ADAMTS13: variants seen among roughly 807,000 people sequenced by gnomAD.
The protein encoded by ADAMTS13 is ADAM metallopeptidase with thrombospondin type 1 motif 13, also known as A disintegrin and metalloproteinase with thrombospondin motifs 13.
In ADAMTS13, 110 loss-of-function variants were observed where a neutral mutation model predicts 155.1. That is an observed-to-expected ratio of 0.71 (90% CI 0.61 to 0.83). The LOEUF is 0.83. Among genes scored for constraint, ADAMTS13 ranks in the 40% least tolerant of loss-of-function variants. The pLI is 0.00. For synonymous variants in ADAMTS13, 758 were observed against 756.4 expected (o/e 1.00, Z -0.03); for missense variants, 1,707 against 1,891.7 (o/e 0.90, Z 1.81).
chr9:133,415,530 A>G (rs1159381981), intron 1 of ADAMTS13: 1 of 154,786 alleles, frequency 6.5e-6, no homozygotes, highest in Non-Finnish European at 1.4e-5. Context: ...AAGAACTGCT[A>G]GCAGCCACAC....
chr9:133,417,742 T>C (rs374838582), upstream of ADAMTS13: 2 of 1,613,878 alleles, frequency 1.2e-6, no homozygotes, highest in African/African-American at 1.3e-5. Context: ...CAAAACCTTT[T>C]TTTCTTCTTG....
intron 17 of ADAMTS13, 31 bp from the exon 18 acceptor site, chr9:133,442,583 A>T (rs368268138): frequency 1.3e-5 from 21 of 1,613,298 alleles, no homozygotes; most frequent in Non-Finnish European, 1.5e-5. Flanking sequence ...CCCTGCAGGG[A>T]GGCGGCCTAG....
Position 133,439,388 on chromosome 9 carries a change from T to C in ADAMTS13, c.1728T>C (p.Val576=), listed in dbSNP as rs1841492590. The C allele has an allele frequency of 1.2e-6, 2 of 1,613,986 alleles. No homozygotes were observed. The highest frequency in any genetic ancestry group is 4.5e-5 in the East Asian group (2 of 44,892). The change falls in exon 15 of 29, where the codon GTT becomes GTC. Residue 576 remains valine, a synonymous_variant. Transcript: ENST00000355699. ...RAREYVTFLT[V]TPNLTSVYIA... ...TAGAATATGTCACGTTTCTGACAGTTACCCCCAACCTGACCAGTGTCTACA... is the reference window on the plus strand; with the variant it reads ...TAGAATATGTCACGTTTCTGACAGTCACCCCCAACCTGACCAGTGTCTACA...
In ADAMTS13 at chr9:133,424,214, T is replaced by C. The variant is rs1292133779; in HGVS notation, c.173-107T>C. The C allele has an allele frequency of 1.3e-6, 2 of 1,560,484 alleles. No individual in the cohort carries two copies. Among genetic ancestry groups the C allele is most frequent in the East Asian group, 4.5e-5 (2 of 44,614 alleles). On this transcript the variant is annotated intron_variant, in intron 2 of 28. Coordinates refer to ENST00000355699, the MANE Select transcript of ADAMTS13 (RefSeq NM_139027.6). This position sits in a 1 kb window ranked among gnomAD's most constrained non-coding sequence, Gnocchi z 4.3. ...GGGGTGGGGGTGACACGCAATGTCT[T>C]GACTTCGGAAGGCCATCCTTCCAAG...
upstream of ADAMTS13, chr9:133,417,989 A>C: frequency 1.4e-6 from 1 of 725,838 alleles, no homozygotes; most frequent in South Asian, 1.9e-5. Context: ...ACTCCGGAAG[A>C]GACCCCGCAC....
At chr9:133,457,839 G>A in intron 27 of ADAMTS13, 71 bp from the exon 28 acceptor site, 2 of 1,593,840 alleles carry the variant, frequency 1.3e-6, no homozygotes, top group Non-Finnish European at 8.6e-7. Flanking sequence ...CGGCTCCCTG[G>A]CTGTGAGTTG....
At chr9:133,448,119 A>G (rs587772109) in intron 21 of ADAMTS13, among the ~76,000 whole-genome samples, 1 of 151,522 alleles carries the variant, frequency 6.6e-6, no homozygotes, top group South Asian at 2.1e-4. Flanking sequence ...CCTCCTGAGT[A>G]GCTGGGATTA....
rs1554796106 is a variant in ADAMTS13 at position 133,456,599 on chromosome 9, T to C, written c.3604T>C (p.Leu1202=). Residue 1202 remains leucine, a synonymous_variant, in exon 27 of 29, where the codon TTG becomes CTG. Transcript: ENST00000355699. This position sits in a 1 kb window ranked among gnomAD's most constrained non-coding sequence, Gnocchi z 4.4. ...CTGGAGGAAGATGTGCAGGAAGCTGTTGGACATGACTTTCAGCTCCAAGAC... is the reference window on the plus strand; with the variant it reads ...CTGGAGGAAGATGTGCAGGAAGCTGCTGGACATGACTTTCAGCTCCAAGAC... The part of the protein sequence containing the change: ...LTWRKMCRKL[L]DMTFSSKTNT... 4 of 1,613,370 alleles carry C rather than the reference T, an allele frequency of 2.5e-6. No homozygotes were observed. Among genetic ancestry groups the C allele is most frequent in the Non-Finnish European group, 3.4e-6 (4 of 1,179,880 alleles).
Position 133,456,680 on chromosome 9 carries a change from C to CCAT in ADAMTS13, c.3685_3686insCAT (p.Arg1229delinsProTrp). ...GCGGCCAGGAGGTGGGGTGCTGCTG[C>CCAT]GGTATGGGAGCCAGCTTGCTCCTGA... is the stretch of plus-strand genomic sequence containing the variant. On this transcript the variant is annotated protein_altering_variant, in exon 27 of 29. Coordinates refer to ENST00000355699, the MANE Select transcript of ADAMTS13 (RefSeq NM_139027.6). The surrounding 1 kb of genome is among the most constrained non-coding windows in gnomAD (Gnocchi z 4.4). The CCAT allele has an allele frequency of 6.3e-7, 1 of 1,588,956 alleles. No individual in the cohort carries two copies. The highest frequency in any genetic ancestry group is 8.6e-7 in the Non-Finnish European group (1 of 1,167,314).
In ADAMTS13 at chr9:133,449,615, G is replaced by T. The variant is rs587699261; in HGVS notation, c.2862-168G>T. ...TTTGTCCAAATGTTCTGTCCACTCTGCCAAGCCTCTTGGTGAGGACACAAG... is the reference window on the plus strand; with the variant it reads ...TTTGTCCAAATGTTCTGTCCACTCTTCCAAGCCTCTTGGTGAGGACACAAG... On this transcript the variant is annotated intron_variant, in intron 22 of 28. Transcript: ENST00000355699. Among the ~76,000 whole-genome samples, 70 of 152,300 alleles carry T rather than the reference G, an allele frequency of 4.6e-4. 1 individual carries two copies. Among genetic ancestry groups the T allele is most frequent in the African/African-American group, 1.7e-3 (70 of 41,560 alleles).
chr9:133,441,369 C>G lies in ADAMTS13; in HGVS notation c.1968+844C>G, dbSNP rs1165622176. Among the ~76,000 whole-genome samples, 2 of 152,194 alleles carry G rather than the reference C, an allele frequency of 1.3e-5. No homozygotes were observed. The highest frequency in any genetic ancestry group is 4.8e-5 in the African/African-American group (2 of 41,446). ...TGGTTCCCTTCCTCCCCTCCCCTTG[C>G]CTGGGACATTGTATCCAGATGCTAG... On this transcript the variant is annotated intron_variant, in intron 16 of 28. Transcript: ENST00000355699. This position sits in a 1 kb window ranked among gnomAD's most constrained non-coding sequence, Gnocchi z 5.0.
At chr9:133,418,164 C>T (rs1839792490), upstream of ADAMTS13, 1 of 398,682 alleles carries the variant, frequency 2.5e-6, no homozygotes, top group Non-Finnish European at 4.5e-6. Context: ...GGTCATCGAC[C>T]TCGAGTTTGA....
rs782519773 is a variant in ADAMTS13 at position 133,425,952 on chromosome 9, C to T, written c.429C>T (p.Ile143=). ...TGGGTCCGCAGGGTGCTCCAAATAT[C>T]ACAGCCAACCTCACCTCGTCCCTGC... ...ILTEPEGAPN[I]TANLTSSLLS... is the part of the protein sequence containing the mutation. The change falls in exon 5 of 29, where the codon ATC becomes ATT. Residue 143 remains isoleucine (I), a synonymous_variant. Transcript: ENST00000355699. This position sits in a 1 kb window ranked among gnomAD's most constrained non-coding sequence, Gnocchi z 4.6. 6.2e-7 allele frequency: 1 copy of T among 1,613,710 alleles called. No homozygotes were observed. Among genetic ancestry groups the T allele is most frequent in the Admixed American group, 1.7e-5 (1 of 60,026 alleles).
In ADAMTS13 at chr9:133,424,239, G is replaced by T; in HGVS notation, c.173-82G>T. The T allele has an allele frequency of 6.3e-7, 1 of 1,595,572 alleles. No homozygotes were observed. On this transcript the variant is annotated intron_variant, in intron 2 of 28. Transcript: ENST00000355699. The surrounding 1 kb of genome is among the most constrained non-coding windows in gnomAD (Gnocchi z 4.3). ...TGACTTCGGAAGGCCATCCTTCCAA[G>T]ACCTGCCAGCCCCTTTCCTGTTAGC...
rs781832524 is a variant in ADAMTS13, at chr9:133,456,510, GTGC to G, written c.3548-30_3548-28del. The G allele has an allele frequency of 2.2e-5, 36 of 1,609,298 alleles. No individual in the cohort carries two copies. The highest frequency in any genetic ancestry group is 3.4e-5 in the Admixed American group (2 of 59,578). ...ACTCCTCTGCTGACCAGGCGTGGGA[GTGC>G]TGGACCCTCACTGCCCTGCCGCTTC... On this transcript the variant is annotated intron_variant, in intron 26 of 28. Coordinates refer to ENST00000355699, the MANE Select transcript of ADAMTS13 (RefSeq NM_139027.6). The surrounding 1 kb of genome is among the most constrained non-coding windows in gnomAD (Gnocchi z 4.4).
rs1554785106 is a variant in ADAMTS13, at chr9:133,425,907, C to G, written c.415-31C>G. On this transcript the variant is annotated intron_variant, in intron 4 of 28. Coordinates refer to ENST00000355699, the MANE Select transcript of ADAMTS13 (RefSeq NM_139027.6). The surrounding 1 kb of genome is among the most constrained non-coding windows in gnomAD (Gnocchi z 4.6). The stretch of plus-strand genomic sequence containing the variant: ...TCAGCACCGTGCCTGGTTGGGGTGT[C>G]CTAAATGCAGGCTTTGCTGTGGGTC... 1 of 1,612,584 alleles carries G rather than the reference C, an allele frequency of 6.2e-7. No individual in the cohort carries two copies. The highest frequency in any genetic ancestry group is 1.1e-5 in the South Asian group (1 of 91,048).
rs150136500 is a variant in ADAMTS13 at position 133,446,968 on chromosome 9, G to A, written c.2731+1149G>A. On this transcript the variant is annotated intron_variant, in intron 21 of 28. Transcript: ENST00000355699. Reference sequence around the variant, plus strand: ...CGCCTCCGGGGCTCAAGTGATTCTCGTGCTTCAGCCTCCCGAGTAGCTAGG... The same window carrying A: ...CGCCTCCGGGGCTCAAGTGATTCTCATGCTTCAGCCTCCCGAGTAGCTAGG... Among the ~76,000 whole-genome samples, 302 of 152,132 alleles carry A rather than the reference G, an allele frequency of 2.0e-3. 2 individuals are homozygous for A. The highest frequency in any genetic ancestry group is 6.8e-3 in the Middle Eastern group (2 of 294).
Position 133,442,490 on chromosome 9 carries a change from T to A in ADAMTS13, c.2060T>A (p.Val687Glu), listed in dbSNP as rs1588182260. The change falls in exon 17 of 29, where the codon GTG becomes GAG. Residue 687 changes from valine to glutamate, a missense_variant. This residue lies in a region of ADAMTS13 where 961 missense variants were observed against 1,107.9 expected (regional missense o/e 0.87). Coordinates refer to ENST00000355699, the MANE Select transcript of ADAMTS13 (RefSeq NM_139027.6). ...CAGCCTAAGCCACGGCAGGCCTGGG[T>A]GTGGGCCGCTGTGCGTGGGCCCTGC... ...YFQPKPRQAW[V>E]WAAVRGPCSV... 5 of 1,613,536 alleles carry A rather than the reference T, an allele frequency of 3.1e-6. No homozygotes were observed. In the Admixed American group the frequency reaches 5.0e-5, roughly 16 times the overall value.
chr9:133,420,282 G>A (rs587614335), upstream of ADAMTS13, among the ~76,000 whole-genome samples: 22 of 152,120 alleles, frequency 1.4e-4, no homozygotes, highest in East Asian at 3.1e-3. Flanking sequence ...CTCATGATCC[G>A]CGTGCCTCGT....
Sources: gnomAD v4.1 joint callset for allele counts (sites outside exome capture counted in the v4.1 genomes callset) on GRCh38, gnomAD v4.1.1 for gene constraint, gnomAD v4.1.1 regional missense constraint, Gnocchi (gnomAD v3.1) non-coding constraint, MANE v1.5 for transcripts, NCBI Gene and HGNC (gene_info 2026-07-23, HGNC 2026-07-21) for gene names.